Variants in SLCO1B1 observed in about 807,000 individuals in gnomAD.
SLCO1B1 encodes the protein solute carrier organic anion transporter family member 1B1.
A neutral mutation model predicts 70.1 loss-of-function variants in SLCO1B1; 81 were observed. That is an observed-to-expected ratio of 1.16 (90% CI 0.97 to 1.39). The LOEUF (loss-of-function observed/expected upper bound fraction) is 1.39. SLCO1B1 is among the 40% of genes most tolerant of loss of function. The pLI, the probability that SLCO1B1 is intolerant of heterozygous loss-of-function variation, is 0.00. For synonymous variants in SLCO1B1, 283 were observed against 271.5 expected, an observed-to-expected ratio of 1.04 and a Z score of -0.42; for missense variants, 895 against 799.6, an observed-to-expected ratio of 1.12 and a Z score of -1.44.
At chr12:21,194,959 C>T (rs766918047) in intron 7 of SLCO1B1, among the ~76,000 whole-genome samples, 4 of 152,144 alleles carry the variant, frequency 2.6e-5, no homozygotes, top group African/African-American at 9.7e-5. Flanking sequence ...CAAGGTGCCA[C>T]ACACTTTTTA....
At chr12:21,207,220 T>C (rs1214346393) in intron 11 of SLCO1B1, among the ~76,000 whole-genome samples, 1 of 151,990 alleles carries the variant, frequency 6.6e-6, no homozygotes, top group Non-Finnish European at 1.5e-5. Context: ...AAGTTTAGGG[T>C]ACAATCATTC....
intron 7 of SLCO1B1, among the ~76,000 whole-genome samples, chr12:21,186,804 T>C (rs930762953): frequency 6.6e-6 from 1 of 152,130 alleles, no homozygotes; most frequent in Non-Finnish European, 1.5e-5. Flanking sequence ...TGCAAACTTT[T>C]ATAAGAAAGG....
chr12:21,165,453 A>G (rs571246508), intron 2 of SLCO1B1, among the ~76,000 whole-genome samples: 6 of 152,130 alleles, frequency 3.9e-5, no homozygotes, highest in Middle Eastern at 3.2e-3. Flanking sequence ...GTCTGAGAAG[A>G]TTGTATCCTT....
At chr12:21,182,271 C>G (rs1940910293) in intron 7 of SLCO1B1, among the ~76,000 whole-genome samples, 1 of 152,118 alleles carries the variant, frequency 6.6e-6, no homozygotes, top group African/African-American at 2.4e-5. Flanking sequence ...ATCCTACCTA[C>G]AAGAGAACCC....
intron 2 of SLCO1B1, among the ~76,000 whole-genome samples, chr12:21,153,782 A>G (rs1432491373): frequency 6.6e-6 from 1 of 151,994 alleles, no homozygotes; most frequent in Non-Finnish European, 1.5e-5. Flanking sequence ...ATCTTTTAGG[A>G]TGATATAATT....
At chr12:21,184,173 G>GT (rs544151414) in intron 7 of SLCO1B1, among the ~76,000 whole-genome samples, 1 of 152,222 alleles carries the variant, frequency 6.6e-6, no homozygotes, top group African/African-American at 2.4e-5. Context: ...CTTGTAAAAC[G>GT]TATTTGCAGA....
rs780968207 is a variant in SLCO1B1, at chr12:21,197,067, A to G, written c.849A>G (p.Pro283=). 1 of 1,613,658 alleles carries G rather than the reference A, an allele frequency of 6.2e-7. No individual in the cohort carries two copies. The highest frequency in any genetic ancestry group is 1.3e-5 in the African/African-American group (1 of 74,886). ...SIPFFFLPQT[P]NKPQKERKAS... is the part of the protein sequence containing the mutation. ...CATTCTTTTTCTTGCCCCAAACTCC[A>G]AATAAACCACAAAAAGAAAGAAAAG... Residue 283 remains proline (P), a synonymous_variant, in exon 8 of 15, where the codon CCA becomes CCG. Coordinates refer to ENST00000256958, the MANE Select transcript of SLCO1B1 (RefSeq NM_006446.5).
intron 11 of SLCO1B1, among the ~76,000 whole-genome samples, chr12:21,207,492 G>GTATT (rs1362901665): frequency 6.6e-6 from 1 of 151,974 alleles, no homozygotes; most frequent in Non-Finnish European, 1.5e-5. Flanking sequence ...TGGCCATGTA[G>GTATT]TATTCCATTG....
chr12:21,189,396 T>C (rs1240760854), intron 7 of SLCO1B1, among the ~76,000 whole-genome samples: 4 of 152,152 alleles, frequency 2.6e-5, no homozygotes, highest in Non-Finnish European at 1.5e-5. Flanking sequence ...TGTTCATTTG[T>C]GTGTCTTCTT....
intron 14 of SLCO1B1, among the ~76,000 whole-genome samples, chr12:21,229,336 A>C (rs1591829420): frequency 1.3e-5 from 2 of 152,134 alleles, no homozygotes; most frequent in Non-Finnish European, 1.5e-5. Context: ...TATATCCACC[A>C]TTACAGTATT....
chr12:21,215,953 A>G (rs1365115308), intron 11 of SLCO1B1, among the ~76,000 whole-genome samples: 1 of 152,012 alleles, frequency 6.6e-6, no homozygotes. Context: ...TGGATGGTTC[A>G]TTTTGGATGG....
chr12:21,200,386 C>T (rs1373373959), intron 8 of SLCO1B1, 122 bp from the exon 9 acceptor site: 4 of 554,194 alleles, frequency 7.2e-6, no homozygotes, highest in Admixed American at 7.0e-5. Context: ...AGGCTATTCT[C>T]ACTCTTTGTG....
chr12:21,166,464 T>C (rs1476013814), intron 2 of SLCO1B1, among the ~76,000 whole-genome samples: 1 of 152,008 alleles, frequency 6.6e-6, no homozygotes, highest in Non-Finnish European at 1.5e-5. Context: ...AACCCAATGA[T>C]AAAATGAGGA....
intron 1 of SLCO1B1, among the ~76,000 whole-genome samples, chr12:21,141,285 C>T (rs796720491): frequency 1.9e-4 from 29 of 151,028 alleles, no homozygotes; most frequent in African/African-American, 6.8e-4. Context: ...TCAAATTTCT[C>T]TCCACAAATT....
intron 8 of SLCO1B1, among the ~76,000 whole-genome samples, chr12:21,199,961 T>C (rs1239274953): frequency 6.6e-6 from 1 of 151,966 alleles, no homozygotes; most frequent in African/African-American, 2.4e-5. Flanking sequence ...GCCATCGTGC[T>C]GGCCAATGTT....
chr12:21,214,670 CG>C (rs1941335592), intron 11 of SLCO1B1, among the ~76,000 whole-genome samples: 1 of 151,702 alleles, frequency 6.6e-6, no homozygotes, highest in African/African-American at 2.4e-5. Context: ...GCCTCGCTGC[CG>C]CCTTGCAGTT....
At chr12:21,201,536 G>A (rs1564365) in intron 9 of SLCO1B1, among the ~76,000 whole-genome samples, 141,887 of 152,128 alleles carry the variant, frequency 0.93, 66,220 homozygotes, top group East Asian at 1. Context: ...CGATTTGTCA[G>A]TTCAGGTTCT....
intron 7 of SLCO1B1, among the ~76,000 whole-genome samples, chr12:21,180,186 A>G (rs886887864): frequency 6.6e-6 from 1 of 152,024 alleles, no homozygotes; most frequent in Non-Finnish European, 1.5e-5. Context: ...CTCCAACCCC[A>G]CTGTATTCCC....
chr12:21,213,375 G>C (rs1368552386), intron 11 of SLCO1B1, among the ~76,000 whole-genome samples: 1 of 151,930 alleles, frequency 6.6e-6, no homozygotes, highest in East Asian at 1.9e-4. Flanking sequence ...TTGTCTTTAA[G>C]AATGTTGAAT....
Sources: gnomAD v4.1 joint callset for allele counts (sites outside exome capture counted in the v4.1 genomes callset) on GRCh38, gnomAD v4.1.1 for gene constraint, MANE v1.5 for transcripts, NCBI Gene and HGNC (gene_info 2026-07-23, HGNC 2026-07-21) for gene names.